CSMD3: variants seen among roughly 807,000 people sequenced by gnomAD.
CSMD3 encodes the protein CUB and sushi domain-containing protein 3.
In CSMD3, 177 loss-of-function variants were observed where a neutral mutation model predicts 435.2. The observed-to-expected ratio is 0.41, with a 90% confidence interval of 0.36 to 0.46. The LOEUF (loss-of-function observed/expected upper bound fraction) is 0.46. CSMD3 is among the 20% of genes least tolerant of loss of function. The pLI, the probability that CSMD3 is intolerant of heterozygous loss-of-function variation, is 0.34. For synonymous variants in CSMD3, 1,656 were observed against 1,520.5 expected, an observed-to-expected ratio of 1.09 and a Z score of -2.07; for missense variants, 4,265 against 4,504.6, an observed-to-expected ratio of 0.95 and a Z score of 1.52.
chr8:112,956,690 T>G, intron 7 of CSMD3, among the ~76,000 whole-genome samples: 1 of 151,978 alleles, frequency 6.6e-6, no homozygotes, highest in East Asian at 1.9e-4. Flanking sequence ...AAATAATAAG[T>G]TACTAATATT....
intron 10 of CSMD3, among the ~76,000 whole-genome samples, chr8:112,870,483 AGC>A (rs1239680067): frequency 1.3e-5 from 2 of 151,270 alleles, no homozygotes; most frequent in African/African-American, 4.9e-5. Flanking sequence ...TCACAGTGTT[AGC>A]CAGGATGGTC....
chr8:112,295,598 T>C (rs77977170), intron 54 of CSMD3, among the ~76,000 whole-genome samples: 30,430 of 151,448 alleles, frequency 0.2, 3,637 homozygotes, highest in East Asian at 0.36. Flanking sequence ...ATATTTATAT[T>C]AAATATGAGA....
chr8:113,344,159 A>T (rs1040197444), intron 1 of CSMD3, among the ~76,000 whole-genome samples: 5 of 151,486 alleles, frequency 3.3e-5, no homozygotes, highest in Non-Finnish European at 5.9e-5. Context: ...TTGAAATTTA[A>T]TTTTTTTTTA....
intron 38 of CSMD3, among the ~76,000 whole-genome samples, chr8:112,379,214 A>G (rs939809857): frequency 2.6e-5 from 4 of 152,220 alleles, no homozygotes; most frequent in African/African-American, 9.6e-5. Flanking sequence ...TCACGCCTGT[A>G]ATCCCAAAAC....
chr8:113,179,337 G>T (rs754440632), intron 3 of CSMD3, among the ~76,000 whole-genome samples: 1 of 151,642 alleles, frequency 6.6e-6, no homozygotes, highest in Non-Finnish European at 1.5e-5. Context: ...AATTAGATGT[G>T]ATTATATTAT....
intron 5 of CSMD3, among the ~76,000 whole-genome samples, chr8:113,056,835 C>T (rs902958969): frequency 3.9e-5 from 6 of 152,186 alleles, no homozygotes; most frequent in African/African-American, 7.2e-5. Flanking sequence ...CTATGTGTCA[C>T]TGCTATGCTT....
At chr8:113,030,254 C>T (rs965604090) in intron 5 of CSMD3, among the ~76,000 whole-genome samples, 2 of 149,812 alleles carry the variant, frequency 1.3e-5, no homozygotes, top group African/African-American at 4.9e-5. Flanking sequence ...CAACATCATT[C>T]ATTACAGAAT....
At chr8:113,098,711 G>T (rs2131545346) in intron 5 of CSMD3, 45 bp downstream of exon 5, 1 of 1,276,782 alleles carries the variant, frequency 7.8e-7, no homozygotes, top group Non-Finnish European at 1.1e-6. Flanking sequence ...TCCTTAGTTT[G>T]CTTCAACAAC....
rs180969479 is a variant in CSMD3, at chr8:112,502,646, A to T, written c.5083+1144T>A. 2.6e-3 allele frequency among the ~76,000 whole-genome samples: 397 copies of T among 151,032 alleles called. 7 individuals are homozygous for T. Among genetic ancestry groups the T allele is most frequent in the Admixed American group, 0.024 (360 of 15,018 alleles). On this transcript the variant is annotated intron_variant, in intron 30 of 70. Coordinates refer to ENST00000297405, the MANE Select transcript of CSMD3 (RefSeq NM_198123.2). ...CTGTTCCTATGGCAAATGCAAAAGG[A>T]GTTTCCATTGTATATGTAATATTTG...
chr8:112,567,378 A>G (rs186776976), intron 24 of CSMD3, among the ~76,000 whole-genome samples: 4 of 152,188 alleles, frequency 2.6e-5, no homozygotes, highest in African/African-American at 9.6e-5. Flanking sequence ...TAGTTCTCTT[A>G]CCTTTTGTTC....
chr8:112,925,293 A>G (rs1052184834), intron 9 of CSMD3, among the ~76,000 whole-genome samples: 2 of 152,088 alleles, frequency 1.3e-5, no homozygotes, highest in African/African-American at 4.8e-5. Context: ...TAATTTATCC[A>G]TTAAGAATTA....
intron 1 of CSMD3, among the ~76,000 whole-genome samples, chr8:113,428,273 C>G (rs2094649042): frequency 1.3e-5 from 2 of 150,888 alleles, no homozygotes; most frequent in Non-Finnish European, 3.0e-5. Context: ...TCTGTCTAAT[C>G]ACGACTATTG....
chr8:112,925,859 C>G (rs1487078568), intron 9 of CSMD3, among the ~76,000 whole-genome samples: 1 of 152,176 alleles, frequency 6.6e-6, no homozygotes, highest in Non-Finnish European at 1.5e-5. Flanking sequence ...CCTGTTTATG[C>G]TGCAGGAGGA....
At chr8:113,107,061 C>CA (rs1190823370) in intron 4 of CSMD3, among the ~76,000 whole-genome samples, 1 of 152,182 alleles carries the variant, frequency 6.6e-6, no homozygotes, top group East Asian at 1.9e-4. Flanking sequence ...GGGCCTTAGA[C>CA]AACCATGAAT....
In CSMD3 at chr8:113,341,047, CATTT is replaced by C. The variant is rs200810484; in HGVS notation, c.179-26258_179-26255del. Among the ~76,000 whole-genome samples, 7 of 152,032 alleles carry C rather than the reference CATTT, an allele frequency of 4.6e-5. No individual in the cohort carries two copies. In the East Asian group the frequency reaches 1.4e-3, roughly 29 times the overall value. On this transcript the variant is annotated intron_variant, in intron 1 of 70. Transcript: ENST00000297405. ...TTTGGAGGTGATTTCTGTTTTTTAA[CATTT>C]ATTTACTTTTATTTTTTAATTGTAC...
chr8:113,240,553 C>A (rs1375118099), intron 3 of CSMD3, among the ~76,000 whole-genome samples: 2 of 152,114 alleles, frequency 1.3e-5, no homozygotes, highest in African/African-American at 2.4e-5. Flanking sequence ...ATGACAACTT[C>A]TAAGTTTCTG....
intron 27 of CSMD3, 103 bp downstream of exon 27, chr8:112,550,568 A>G: frequency 1.5e-6 from 1 of 660,136 alleles, no homozygotes; most frequent in Non-Finnish European, 2.6e-6. Context: ...GAATATTTAA[A>G]ATCATTAAAA....
intron 35 of CSMD3, among the ~76,000 whole-genome samples, chr8:112,405,232 T>C (rs1490041468): frequency 4.7e-5 from 5 of 105,366 alleles, no homozygotes; most frequent in South Asian, 3.1e-4. Context: ...TATATATATA[T>C]ATATATATAT....
intron 22 of CSMD3, among the ~76,000 whole-genome samples, chr8:112,626,554 T>A (rs1187031038): frequency 6.6e-6 from 1 of 150,682 alleles, no homozygotes; most frequent in Non-Finnish European, 1.5e-5. Context: ...TTTTAAAAAA[T>A]GGAATTAGAA....
Sources: allele counts gnomAD v4.1 joint callset (sites outside exome capture counted in the v4.1 genomes callset), GRCh38; gene constraint gnomAD v4.1.1; transcripts MANE v1.5; gene names NCBI Gene and HGNC (gene_info 2026-07-23, HGNC 2026-07-21).